The following EFCAB6 variants were observed in gnomAD, a reference collection of about 807,000 sequenced individuals.
The protein encoded by EFCAB6 is EF-hand calcium binding domain 6, also known as EF-hand calcium-binding domain-containing protein 6.
A neutral mutation model predicts 169.8 loss-of-function variants in EFCAB6; 156 were observed. The observed-to-expected ratio is 0.92, with a 90% CI of 0.81 to 1.05. The LOEUF is 1.05. Ranked by LOEUF, EFCAB6 falls within the 50% of genes least tolerant of loss-of-function variation. The pLI is 0.00. For synonymous variants in EFCAB6, 698 were observed against 676.4 expected (o/e 1.03, Z -0.50); for missense variants, 1,800 against 1,829.1 (o/e 0.98, Z 0.29).
intron 8 of EFCAB6, among the ~76,000 whole-genome samples, chr22:43,721,458 C>T (rs1328214541): frequency 1.3e-5 from 2 of 152,076 alleles, no homozygotes; most frequent in African/African-American, 4.8e-5. Flanking sequence ...GCAAAAAGAA[C>T]AAAGCTGAAG....
At chr22:43,588,317 G>T (rs2051216866) in intron 24 of EFCAB6, among the ~76,000 whole-genome samples, 1 of 152,144 alleles carries the variant, frequency 6.6e-6, no homozygotes, top group African/African-American at 2.4e-5. Context: ...ACTGAGGAGA[G>T]ACTTATCTGG....
chr22:43,727,888 G>A (rs1457854630), intron 8 of EFCAB6, among the ~76,000 whole-genome samples: 1 of 146,580 alleles, frequency 6.8e-6, no homozygotes, highest in African/African-American at 2.5e-5. Flanking sequence ...GCTTCAAGAA[G>A]TTTTTTTTTT....
intron 21 of EFCAB6, among the ~76,000 whole-genome samples, chr22:43,609,655 T>C (rs546119336): frequency 6.6e-6 from 1 of 152,294 alleles, no homozygotes; most frequent in East Asian, 1.9e-4. Context: ...TTGAAGAAGA[T>C]CAAAATAAAT....
chr22:43,592,237 C>T (rs1363280987), intron 23 of EFCAB6, among the ~76,000 whole-genome samples: 1 of 152,166 alleles, frequency 6.6e-6, no homozygotes, highest in Non-Finnish European at 1.5e-5. Context: ...CCTTGCTGGC[C>T]TCCAGTTTGG....
chr22:43,662,672 T>C (rs1014347079), intron 17 of EFCAB6, among the ~76,000 whole-genome samples: 1 of 152,156 alleles, frequency 6.6e-6, no homozygotes, highest in Non-Finnish European at 1.5e-5. Context: ...TAAAAAGCAT[T>C]GTAATTAAAA....
At chr22:43,642,934 T>A (rs2055896953) in intron 17 of EFCAB6, among the ~76,000 whole-genome samples, 2 of 152,146 alleles carry the variant, frequency 1.3e-5, no homozygotes, top group Non-Finnish European at 2.9e-5. Context: ...GCGCAGGGCA[T>A]CTCAGATAAG....
chr22:43,529,718 G>T (rs1369309917), intron 31 of EFCAB6, among the ~76,000 whole-genome samples: 2 of 152,152 alleles, frequency 1.3e-5, no homozygotes, highest in Admixed American at 1.3e-4. Flanking sequence ...CTAGAGGAAG[G>T]AAGCCAGGAG....
intron 22 of EFCAB6, among the ~76,000 whole-genome samples, chr22:43,606,831 A>G (rs2052952467): frequency 1.3e-5 from 2 of 152,216 alleles, no homozygotes; most frequent in Admixed American, 6.5e-5. Context: ...TCCACCTCCA[A>G]TTGAAATGGA....
At chr22:43,598,703 C>T (rs1030013784) in intron 23 of EFCAB6, among the ~76,000 whole-genome samples, 24 of 152,050 alleles carry the variant, frequency 1.6e-4, no homozygotes, top group African/African-American at 2.4e-4. Flanking sequence ...TTCCCATTTA[C>T]CCTGAAGTGA....
chr22:43,688,107 A>G (rs1276743365), intron 10 of EFCAB6, among the ~76,000 whole-genome samples: 4 of 152,218 alleles, frequency 2.6e-5, no homozygotes, highest in Non-Finnish European at 4.4e-5. Context: ...AGCTGCAGCC[A>G]TCAAAAGACA....
intron 5 of EFCAB6, among the ~76,000 whole-genome samples, chr22:43,764,547 G>GTA (rs912410544): frequency 6.6e-6 from 1 of 152,208 alleles, no homozygotes; most frequent in African/African-American, 2.4e-5. Flanking sequence ...CTTCCTTTGG[G>GTA]TATATACCTA....
chr22:43,626,116 T>C (rs1398576485), intron 20 of EFCAB6, among the ~76,000 whole-genome samples: 2 of 152,216 alleles, frequency 1.3e-5, no homozygotes, highest in African/African-American at 2.4e-5. Flanking sequence ...TATGTAAGTA[T>C]ATGTATATGA....
At position 43,537,878 on chromosome 22, in the gene EFCAB6, C is replaced by T. The variant is rs543146737; in HGVS notation, c.3880-333G>A. Among the ~76,000 whole-genome samples, 43 of 152,066 alleles carry T rather than the reference C, an allele frequency of 2.8e-4. No homozygotes were observed. Among genetic ancestry groups the T allele is most frequent in the South Asian group, 6.2e-4 (3 of 4,818 alleles). ...TGACAACGACAAATTTTTTCACTAG[C>T]GGAAGAGTCTTATCCAAGAAAGGGA... On this transcript the variant is annotated intron_variant, in intron 28 of 31. Coordinates refer to ENST00000262726, the MANE Select transcript of EFCAB6 (RefSeq NM_022785.4). This position sits in a 1 kb window ranked among gnomAD's most constrained non-coding sequence, Gnocchi z 4.3.
At chr22:43,702,469 T>C (rs562853574) in intron 10 of EFCAB6, among the ~76,000 whole-genome samples, 2 of 152,302 alleles carry the variant, frequency 1.3e-5, no homozygotes, top group East Asian at 1.9e-4. Flanking sequence ...AATGGTCTCA[T>C]TTTAACCGCA....
chr22:43,638,789 CTT>C (rs796807640), intron 17 of EFCAB6, among the ~76,000 whole-genome samples: 1 of 145,042 alleles, frequency 6.9e-6, no homozygotes. Flanking sequence ...GCACCCTGTT[CTT>C]TTTTTTTTTT....
intron 26 of EFCAB6, among the ~76,000 whole-genome samples, chr22:43,564,908 G>A (rs1407403850): frequency 6.6e-6 from 1 of 152,202 alleles, no homozygotes; most frequent in Non-Finnish European, 1.5e-5. Context: ...AACTAAAGCC[G>A]CAGAGCTGGA....
intron 6 of EFCAB6, among the ~76,000 whole-genome samples, chr22:43,745,053 T>C (rs948280754): frequency 6.6e-6 from 1 of 152,200 alleles, no homozygotes; most frequent in Admixed American, 6.5e-5. Context: ...GCAGCTCCTG[T>C]TGGAGAAAAC....
intron 8 of EFCAB6, among the ~76,000 whole-genome samples, chr22:43,724,988 A>G (rs548476510): frequency 6.6e-6 from 1 of 152,304 alleles, no homozygotes; most frequent in East Asian, 1.9e-4. Context: ...TACAAAGAAA[A>G]CAAATATATT....
chr22:43,798,001 C>T (rs530022218), intron 2 of EFCAB6, among the ~76,000 whole-genome samples: 1 of 152,296 alleles, frequency 6.6e-6, no homozygotes, highest in East Asian at 1.9e-4. Flanking sequence ...CTTGAGTGGA[C>T]ATCAGGATCA....
Sources: gnomAD v4.1 joint callset for allele counts (sites outside exome capture counted in the v4.1 genomes callset) on GRCh38, gnomAD v4.1.1 for gene constraint, Gnocchi (gnomAD v3.1) non-coding constraint, MANE v1.5 for transcripts, NCBI Gene and HGNC (gene_info 2026-07-23, HGNC 2026-07-21) for gene names.